Variants in DIP2C observed in about 807,000 individuals in gnomAD.
DIP2C encodes disco-interacting protein 2 homolog C.
In DIP2C, 33 loss-of-function variants were observed where a neutral mutation model predicts 192.4. The ratio of observed to expected loss-of-function variants is 0.17; its 90% confidence interval spans 0.13 to 0.23. The LOEUF (loss-of-function observed/expected upper bound fraction) is 0.23, where lower values mean the gene tolerates loss of function less well. DIP2C is among the 10% of genes least tolerant of loss of function. DIP2C has a pLI of 1.00. For synonymous variants in DIP2C, 979 were observed against 864.1 expected (o/e 1.13, Z -2.33); for missense variants, 1,537 against 2,110.1 (o/e 0.73, Z 5.32).
intron 17 of DIP2C, among the ~76,000 whole-genome samples, chr10:377,082 T>C (rs950352385): frequency 5.9e-5 from 9 of 151,910 alleles, no homozygotes; most frequent in Non-Finnish European, 8.8e-5. Context: ...TTTTACAAGC[T>C]GCACAGCACG....
chr10:566,051 G>GA (rs536068827), intron 1 of DIP2C, among the ~76,000 whole-genome samples: 327 of 152,186 alleles, frequency 2.1e-3, no homozygotes, highest in Admixed American at 5.0e-3. Context: ...AAACTCACCA[G>GA]AAAAAACAAA....
intron 1 of DIP2C, among the ~76,000 whole-genome samples, chr10:546,277 T>TCTTA (rs1554897208): frequency 0.083 from 9,120 of 109,276 alleles, 525 homozygotes; most frequent in African/African-American, 0.23. Flanking sequence ...GCAAGACTCT[T>TCTTA]AAAAAAAAAA....
intron 1 of DIP2C, among the ~76,000 whole-genome samples, chr10:559,391 G>A (rs1303896244): frequency 2.6e-5 from 4 of 151,882 alleles, no homozygotes; most frequent in Non-Finnish European, 4.4e-5. Flanking sequence ...ACACACAGTC[G>A]GCATCAGCCA....
intron 4 of DIP2C, among the ~76,000 whole-genome samples, chr10:440,127 T>C (rs906503779): frequency 1.3e-5 from 2 of 152,230 alleles, no homozygotes; most frequent in African/African-American, 2.4e-5. Context: ...TTTATAATTA[T>C]TTGGGCAGAG....
At chr10:344,959 A>C in intron 27 of DIP2C, 40 bp downstream of exon 27, 1 of 1,605,898 alleles carries the variant, frequency 6.2e-7, no homozygotes, top group Non-Finnish European at 8.5e-7. Flanking sequence ...AGCCTGAGCA[A>C]GGCCGTGAGC....
At chr10:504,499 G>T (rs1160167327) in intron 1 of DIP2C, among the ~76,000 whole-genome samples, 1 of 152,202 alleles carries the variant, frequency 6.6e-6, no homozygotes, top group African/African-American at 2.4e-5. Context: ...GGAGAGCGAG[G>T]ATGGGACTCA....
intron 1 of DIP2C, among the ~76,000 whole-genome samples, chr10:552,254 TTCTATAA>T (rs1478904800): frequency 6.6e-6 from 1 of 152,230 alleles, no homozygotes; most frequent in African/African-American, 2.4e-5. Context: ...GCAAGACATT[TTCTATAA>T]TCTATCATAT....
At position 689,249 on chromosome 10, in the gene DIP2C, A is replaced by T. The variant is rs1002218217; in HGVS notation, c.85+245T>A. ...CGCGAGGGGATCCCAGGCCCCACAGACACCCCCAGGGCGCGGGGAATCGCG... is the reference window on the plus strand; with the variant it reads ...CGCGAGGGGATCCCAGGCCCCACAGTCACCCCCAGGGCGCGGGGAATCGCG... On this transcript the variant is annotated intron_variant, in intron 1 of 36. Transcript: ENST00000280886. The surrounding 1 kb of genome is among the most constrained non-coding windows in gnomAD (Gnocchi z 6.1). Among the ~76,000 whole-genome samples, 2 of 150,338 alleles carry T rather than the reference A, an allele frequency of 1.3e-5. No homozygotes were observed. Among genetic ancestry groups the T allele is most frequent in the South Asian group, 4.2e-4 (2 of 4,756 alleles).
At chr10:415,696 G>A in intron 7 of DIP2C, 73 bp downstream of exon 7, 1 of 1,572,800 alleles carries the variant, frequency 6.4e-7, no homozygotes, top group Non-Finnish European at 8.7e-7. Context: ...AAATAGCCTT[G>A]CAGAAAAAAA....
At chr10:415,398 G>C (rs1215978598) in intron 7 of DIP2C, among the ~76,000 whole-genome samples, 3 of 152,206 alleles carry the variant, frequency 2.0e-5, no homozygotes, top group African/African-American at 7.2e-5. Context: ...GAGGCAGCAG[G>C]AGGAGGGAGG....
At chr10:448,247 G>C (rs1474682920) in intron 3 of DIP2C, among the ~76,000 whole-genome samples, 5 of 132,550 alleles carry the variant, frequency 3.8e-5, no homozygotes, top group African/African-American at 1.9e-4. Flanking sequence ...ACACACAGTG[G>C]GGCAGCAGGA....
intron 1 of DIP2C, among the ~76,000 whole-genome samples, chr10:603,326 AAAAAAAACC>A (rs1308385758): frequency 3.2e-4 from 44 of 136,480 alleles, no homozygotes; most frequent in African/African-American, 1.1e-3. Context: ...AAAAAAAAAA[AAAAAAAACC>A]AACCATGAGA....
intron 1 of DIP2C, among the ~76,000 whole-genome samples, chr10:610,522 G>C (rs950418352): frequency 1.3e-5 from 2 of 152,202 alleles, no homozygotes; most frequent in Non-Finnish European, 2.9e-5. Context: ...ATCAATATAG[G>C]GACGTATCAA....
intron 17 of DIP2C, among the ~76,000 whole-genome samples, chr10:382,135 G>A (rs921964861): frequency 6.6e-6 from 1 of 152,188 alleles, no homozygotes; most frequent in South Asian, 2.1e-4. Context: ...AGAGCAAAGT[G>A]CACTCTGAAT....
intron 1 of DIP2C, chr10:667,985 G>A (rs1857206007): frequency 6.7e-6 from 1 of 148,864 alleles, no homozygotes; most frequent in South Asian, 2.1e-4. Flanking sequence ...CAACATGCAT[G>A]TACAACACTC....
chr10:281,026 G>A (rs1458088737), intron 36 of DIP2C, among the ~76,000 whole-genome samples, 174 bp downstream of exon 36: 1 of 152,114 alleles, frequency 6.6e-6, no homozygotes, highest in Non-Finnish European at 1.5e-5. Flanking sequence ...CTCTACATGT[G>A]GCATGTTCTT....
In DIP2C at chr10:355,917, C is replaced by T. The variant is rs958801128; in HGVS notation, c.2985+509G>A. 2.2e-4 allele frequency among the ~76,000 whole-genome samples: 34 copies of T among 152,136 alleles called. 1 individual carries two copies. Among genetic ancestry groups the T allele is most frequent in the Non-Finnish European group, 4.9e-4 (33 of 68,030 alleles). ...CATGGTGAAACCCCATCTCTAAATA[C>T]TAAAAATACAAAAATTAGCCAGATG... is the stretch of plus-strand genomic sequence containing the variant. On this transcript the variant is annotated intron_variant, in intron 24 of 36. Coordinates refer to ENST00000280886, the MANE Select transcript of DIP2C (RefSeq NM_014974.3).
At chr10:515,444 C>T (rs1311541689) in intron 1 of DIP2C, among the ~76,000 whole-genome samples, 1 of 152,114 alleles carries the variant, frequency 6.6e-6, no homozygotes, top group Non-Finnish European at 1.5e-5. Context: ...AGGATCGGGC[C>T]GGGTGCAGTG....
chr10:434,072 A>G (rs1049281605), intron 4 of DIP2C, among the ~76,000 whole-genome samples: 1 of 152,158 alleles, frequency 6.6e-6, no homozygotes, highest in Non-Finnish European at 1.5e-5. Flanking sequence ...ATGCAAGCAC[A>G]CTATAAAAAC....
Sources: allele counts gnomAD v4.1 joint callset (sites outside exome capture counted in the v4.1 genomes callset), GRCh38; gene constraint gnomAD v4.1.1; non-coding constraint Gnocchi (gnomAD v3.1); transcripts MANE v1.5; gene names NCBI Gene and HGNC (gene_info 2026-07-23, HGNC 2026-07-21).